Variants in PARD3B observed in about 807,000 individuals in gnomAD.
PARD3B encodes par-3 family cell polarity regulator beta.
In PARD3B, 103 loss-of-function variants were observed where a neutral mutation model predicts 130.2. That is an observed-to-expected ratio of 0.79 (90% CI 0.67 to 0.93). The LOEUF is 0.93. PARD3B is among the 40% of genes least tolerant of loss of function. The pLI, the probability that PARD3B is intolerant of heterozygous loss-of-function variation, is 0.00. For missense variants in PARD3B, 1,609 were observed against 1,499.2 expected, an observed-to-expected ratio of 1.07 and a Z score of -1.21; for synonymous variants, 583 against 553.2, an observed-to-expected ratio of 1.05 and a Z score of -0.76.
rs1268240835 is a variant in PARD3B at position 204,890,808 on chromosome 2, T to C, written c.223-74344T>C. ...TCATTTTTATTAAGTGATAGCACGT[T>C]TCACTGCAGCTACTACAGCATCTTT... On this transcript the variant is annotated intron_variant, in intron 2 of 22. Transcript: ENST00000406610. The surrounding 1 kb of genome is among the most constrained non-coding windows in gnomAD (Gnocchi z 4.9). Among the ~76,000 whole-genome samples, 1 of 152,202 alleles carries C rather than the reference T, an allele frequency of 6.6e-6. No individual in the cohort carries two copies. Among genetic ancestry groups the C allele is most frequent in the Non-Finnish European group, 1.5e-5 (1 of 68,026 alleles).
chr2:205,155,038 TATA>T (rs749739755), intron 10 of PARD3B, among the ~76,000 whole-genome samples: 101 of 147,684 alleles, frequency 6.8e-4, no homozygotes, highest in Admixed American at 1.5e-3. Context: ...GAACTTAAAG[TATA>T]ATAATAATAA....
intron 2 of PARD3B, among the ~76,000 whole-genome samples, chr2:204,822,211 G>A (rs989660542): frequency 6.6e-6 from 1 of 152,228 alleles, no homozygotes; most frequent in African/African-American, 2.4e-5. Flanking sequence ...GACTTCAGTG[G>A]AGGAAGTAAC....
chr2:204,776,293 T>C (rs191551481), intron 2 of PARD3B, among the ~76,000 whole-genome samples: 20 of 152,278 alleles, frequency 1.3e-4, no homozygotes, highest in Admixed American at 7.2e-4. Context: ...CTTGAGAGTT[T>C]ACACGTGTGG....
chr2:205,378,590 C>T (rs1467162971), intron 18 of PARD3B, among the ~76,000 whole-genome samples: 3 of 152,046 alleles, frequency 2.0e-5, no homozygotes, highest in African/African-American at 7.2e-5. Context: ...CTTCACCATG[C>T]TCCCAGGGCT....
chr2:205,401,201 GGA>G (rs1353421911), intron 19 of PARD3B, 78 bp downstream of exon 19: 5 of 1,172,356 alleles, frequency 4.3e-6, no homozygotes, highest in Non-Finnish European at 6.2e-6. Context: ...ACAGTCAACT[GGA>G]GAAATTTCAT....
At position 205,460,393 on chromosome 2, in the gene PARD3B, G is replaced by GTGATGATGATGATGATGA. The variant is rs3077792; in HGVS notation, c.3044+19747_3044+19764dup. Among the ~76,000 whole-genome samples the GTGATGATGATGATGATGA allele has an allele frequency of 1.4e-5, 2 of 147,888 alleles. No homozygotes were observed. The highest frequency in any genetic ancestry group is 3.0e-5 in the Non-Finnish European group (2 of 66,910). On this transcript the variant is annotated intron_variant, in intron 20 of 22. Transcript: ENST00000406610. The surrounding 1 kb of genome is among the most constrained non-coding windows in gnomAD (Gnocchi z 4.9). The stretch of plus-strand genomic sequence containing the variant: ...ATTATCAAGACTAAGGATGTTGATA[G>GTGATGATGATGATGATGA]TGATGATGATGATGATGATGATGAT...
chr2:205,553,494 T>C (rs1219803030), intron 22 of PARD3B, 91 bp downstream of exon 22: 70 of 1,313,580 alleles, frequency 5.3e-5, no homozygotes, highest in South Asian at 4.1e-4. Context: ...GGCTTTGAAA[T>C]AGGGAATATG....
chr2:205,509,091 CT>C (rs1473566108), intron 21 of PARD3B, among the ~76,000 whole-genome samples: 3 of 151,866 alleles, frequency 2.0e-5, no homozygotes, highest in African/African-American at 7.3e-5. Flanking sequence ...AATTTCTAGC[CT>C]TTAAATATAG....
At chr2:205,226,342 A>G in intron 15 of PARD3B, among the ~76,000 whole-genome samples, 1 of 152,104 alleles carries the variant, frequency 6.6e-6, no homozygotes, top group East Asian at 1.9e-4. Context: ...GCCCGGCCAA[A>G]AAAGCTTTTT....
intron 10 of PARD3B, among the ~76,000 whole-genome samples, chr2:205,149,011 T>C (rs1009683699): frequency 1.3e-5 from 2 of 152,134 alleles, no homozygotes; most frequent in Non-Finnish European, 2.9e-5. Flanking sequence ...CCCTGGGCTT[T>C]GAAAGGCTGG....
intron 1 of PARD3B, among the ~76,000 whole-genome samples, chr2:204,665,931 T>C (rs1309465569): frequency 2.0e-5 from 3 of 152,244 alleles, no homozygotes; most frequent in African/African-American, 4.8e-5. Context: ...AGCTGTTCAG[T>C]AACTATTTAT....
intron 21 of PARD3B, among the ~76,000 whole-genome samples, chr2:205,536,447 C>G (rs892300560): frequency 6.6e-6 from 1 of 152,160 alleles, no homozygotes; most frequent in Non-Finnish European, 1.5e-5. Context: ...ATTCTACCCA[C>G]TCTTTGGATG....
chr2:204,925,417 T>C (rs1190461436), intron 2 of PARD3B, among the ~76,000 whole-genome samples: 1 of 151,968 alleles, frequency 6.6e-6, no homozygotes, highest in African/African-American at 2.4e-5. Context: ...CTTTGATGAG[T>C]AGTAGTCAGG....
chr2:205,485,126 C>T (rs1433046317), intron 20 of PARD3B, among the ~76,000 whole-genome samples: 1 of 152,168 alleles, frequency 6.6e-6, no homozygotes, highest in Admixed American at 6.5e-5. Context: ...CTTAAAGTGC[C>T]AGTGGGAAAA....
chr2:205,553,026 GA>G, intron 21 of PARD3B, among the ~76,000 whole-genome samples: 1 of 15,850 alleles, frequency 6.3e-5, no homozygotes, highest in South Asian at 0.1. Context: ...TTTAAAAAAA[GA>G]AGAAGAAGAA....
chr2:205,204,004 T>A (rs2037140806), intron 15 of PARD3B, among the ~76,000 whole-genome samples: 1 of 152,200 alleles, frequency 6.6e-6, no homozygotes, highest in Admixed American at 6.5e-5. Context: ...TATTTCTGGT[T>A]CTGGATCCTT....
At chr2:204,807,817 A>G (rs552263030) in intron 2 of PARD3B, among the ~76,000 whole-genome samples, 1 of 152,092 alleles carries the variant, frequency 6.6e-6, no homozygotes, top group Admixed American at 6.6e-5. Flanking sequence ...TGAGAGTACA[A>G]TGATGGCTAC....
intron 21 of PARD3B, among the ~76,000 whole-genome samples, chr2:205,538,966 C>T (rs997433975): frequency 6.6e-6 from 1 of 152,124 alleles, no homozygotes; most frequent in African/African-American, 2.4e-5. Context: ...ATCGCATTTA[C>T]AGATGAGAGA....
chr2:204,885,763 C>A (rs1460062190), intron 2 of PARD3B, among the ~76,000 whole-genome samples: 1 of 152,038 alleles, frequency 6.6e-6, no homozygotes. Context: ...GCCTATATGT[C>A]CAGTTTCAAA....
Sources: gnomAD v4.1 joint callset for allele counts (sites outside exome capture counted in the v4.1 genomes callset) on GRCh38, gnomAD v4.1.1 for gene constraint, Gnocchi (gnomAD v3.1) non-coding constraint, MANE v1.5 for transcripts, NCBI Gene and HGNC (gene_info 2026-07-23, HGNC 2026-07-21) for gene names.